RHPN2: variants seen among roughly 807,000 people sequenced by gnomAD.
The protein encoded by RHPN2 is rhophilin-2.
In RHPN2, 40 loss-of-function variants were observed where a neutral mutation model predicts 79.0. The ratio of observed to expected loss-of-function variants is 0.51; its 90% confidence interval spans 0.39 to 0.66. The LOEUF (loss-of-function observed/expected upper bound fraction) is 0.66. Ranked by LOEUF, RHPN2 falls within the 30% of genes least tolerant of loss-of-function variation. The pLI is 0.00. For missense variants in RHPN2, 686 were observed against 883.5 expected (o/e 0.78, Z 2.83); for synonymous variants, 285 against 363.5 (o/e 0.78, Z 2.46).
At chr19:33,034,322 T>C (rs1158665111) in intron 2 of RHPN2, among the ~76,000 whole-genome samples, 1 of 132,968 alleles carries the variant, frequency 7.5e-6, no homozygotes, top group South Asian at 2.5e-4. Context: ...AATACAAAAG[T>C]TGGCCGGGCG....
intron 2 of RHPN2, among the ~76,000 whole-genome samples, chr19:33,038,621 T>G (rs1011063320): frequency 7.9e-5 from 12 of 152,092 alleles, no homozygotes; most frequent in African/African-American, 2.7e-4. Flanking sequence ...CCCAAGTAGC[T>G]GGGATTACAG....
chr19:33,025,481 C>CAA (rs1265765367), intron 3 of RHPN2, among the ~76,000 whole-genome samples: 7 of 138,134 alleles, frequency 5.1e-5, no homozygotes, highest in African/African-American at 1.8e-4. Flanking sequence ...GACTCTGTGT[C>CAA]AAAAAAAAAA....
At chr19:33,010,203 G>A (rs1341229728) in intron 6 of RHPN2, among the ~76,000 whole-genome samples, 2 of 152,070 alleles carry the variant, frequency 1.3e-5, no homozygotes, top group African/African-American at 4.8e-5. Flanking sequence ...TGCATTGTTA[G>A]GAAAAGTCAT....
At chr19:32,992,053 T>C (rs1971664809) in intron 12 of RHPN2, 84 bp from the exon 13 acceptor site, 8 of 1,504,464 alleles carry the variant, frequency 5.3e-6, no homozygotes, top group East Asian at 2.3e-5. Context: ...CCTGCTGTCC[T>C]TGAAGATCTC....
At chr19:33,053,911 T>C (rs1291174194) in intron 1 of RHPN2, among the ~76,000 whole-genome samples, 1 of 152,086 alleles carries the variant, frequency 6.6e-6, no homozygotes, top group Non-Finnish European at 1.5e-5. Context: ...CAGGCTGGAC[T>C]GCAGTGGCGT....
chr19:33,026,406 C>A, intron 3 of RHPN2, 98 bp downstream of exon 3: 1 of 1,506,332 alleles, frequency 6.6e-7, no homozygotes, highest in South Asian at 1.1e-5. Flanking sequence ...CTGCCACACC[C>A]CAGTCTAGAA....
chr19:32,984,978 C>T (rs1486003911), intron 14 of RHPN2, among the ~76,000 whole-genome samples: 3 of 151,376 alleles, frequency 2.0e-5, no homozygotes, highest in East Asian at 2.0e-4. Flanking sequence ...TAGTGGTGCA[C>T]GCCTATAGTC....
intron 7 of RHPN2, among the ~76,000 whole-genome samples, chr19:33,004,600 A>T (rs1460003966): frequency 6.6e-6 from 1 of 151,764 alleles, no homozygotes; most frequent in Non-Finnish European, 1.5e-5. Flanking sequence ...TTTTAACACT[A>T]TTTATTTATT....
chr19:32,984,224 G>T (rs1354616482), intron 14 of RHPN2, among the ~76,000 whole-genome samples: 2 of 152,158 alleles, frequency 1.3e-5, no homozygotes, highest in African/African-American at 4.8e-5. Context: ...CATCAGTTCA[G>T]CCAGAGTGCT....
intron 1 of RHPN2, among the ~76,000 whole-genome samples, chr19:33,054,547 C>A (rs1972216721): frequency 6.6e-6 from 1 of 152,094 alleles, no homozygotes; most frequent in African/African-American, 2.4e-5. Flanking sequence ...TAGGGAACTC[C>A]GAGGGTCTGA....
chr19:33,064,755 T>TGGGGCG, intron 1 of RHPN2, 29 bp downstream of exon 1: 3 of 1,427,948 alleles, frequency 2.1e-6, no homozygotes, highest in Non-Finnish European at 2.8e-6. Context: ...AGCCCGCAGG[T>TGGGGCG]CCCCGCCCGC....
intron 4 of RHPN2, among the ~76,000 whole-genome samples, chr19:33,017,282 G>C (rs1395119992): frequency 6.6e-6 from 1 of 152,042 alleles, no homozygotes; most frequent in Non-Finnish European, 1.5e-5. Context: ...AATGAAGCAG[G>C]AGAACCGCTT....
chr19:33,050,682 T>C (rs545212862), intron 1 of RHPN2, among the ~76,000 whole-genome samples: 145 of 152,276 alleles, frequency 9.5e-4, no homozygotes, highest in African/African-American at 3.3e-3. Context: ...AGTTTGTTCC[T>C]TTTTTTGTTT....
At position 32,980,074 on chromosome 19, in the gene RHPN2, G is replaced by A. The variant is rs148717915; in HGVS notation, c.1983C>T (p.Val661=). The change falls in exon 15 of 15, where the codon GTC becomes GTT. Residue 661 remains valine, a synonymous_variant. Coordinates refer to ENST00000254260, the MANE Select transcript of RHPN2 (RefSeq NM_033103.5). ...TCTTGACCTGAGGCCGTGCAGCCCC[G>A]ACCGATGGGAGGCACAAGGTGCTGG... The part of the protein sequence containing the change: ...KSASTLCLPS[V]GAARPQVKKK... 1.1e-5 allele frequency: 18 copies of A among 1,613,714 alleles called. No individual in the cohort carries two copies. Among genetic ancestry groups the A allele is most frequent in the South Asian group, 5.5e-5 (5 of 91,062 alleles).
At chr19:33,009,104 A>AG (rs1350422473) in intron 6 of RHPN2, among the ~76,000 whole-genome samples, 1 of 142,952 alleles carries the variant, frequency 7.0e-6, no homozygotes, top group Non-Finnish European at 1.5e-5. Context: ...GCCAGGACTT[A>AG]GGGGGAGGGA....
Position 33,002,547 on chromosome 19 carries a change from C to G in RHPN2, c.949-144G>C, listed in dbSNP as rs113020257. The G allele has an allele frequency of 1.9e-3, 1,894 of 1,015,244 alleles. 20 individuals carry two copies. Among genetic ancestry groups the G allele is most frequent in the African/African-American group, 0.013 (790 of 62,778 alleles). 62.9% of individuals were successfully genotyped at this position (1,015,244 alleles called of 1,614,324 possible). ...GAATCTGGGAGCAACTCCAAGAGAC[C>G]CCTCGTTCTGTCATTGTCACAGTTA... On this transcript the variant is annotated intron_variant, in intron 8 of 14. Coordinates refer to ENST00000254260, the MANE Select transcript of RHPN2 (RefSeq NM_033103.5).
chr19:33,026,141 C>T (rs970096156), intron 3 of RHPN2, among the ~76,000 whole-genome samples: 3 of 151,980 alleles, frequency 2.0e-5, no homozygotes, highest in African/African-American at 4.8e-5. Flanking sequence ...GTGTGCACCA[C>T]CACGCCTGGC....
At chr19:33,042,779 T>TA (rs1338523897) in intron 2 of RHPN2, among the ~76,000 whole-genome samples, 1 of 152,068 alleles carries the variant, frequency 6.6e-6, no homozygotes, top group Non-Finnish European at 1.5e-5. Flanking sequence ...AAATAATTTT[T>TA]AAAAAATCAG....
In RHPN2 at chr19:33,000,025, C is replaced by T. The variant is rs190447710; in HGVS notation, c.1106-320G>A. ...TTAGGACTACAGACATGCACCACCA[C>T]ATGCCAGGCTAATTTTTAAATTTTT... On this transcript the variant is annotated intron_variant, in intron 9 of 14. Transcript: ENST00000254260. Among the ~76,000 whole-genome samples, 972 of 152,228 alleles carry T rather than the reference C, an allele frequency of 6.4e-3. 15 individuals carry two copies. The highest frequency in any genetic ancestry group is 6.0e-3 in the Non-Finnish European group (410 of 68,014).
Sources: gnomAD v4.1 joint callset for allele counts (sites outside exome capture counted in the v4.1 genomes callset) on GRCh38, gnomAD v4.1.1 for gene constraint, MANE v1.5 for transcripts, NCBI Gene and HGNC (gene_info 2026-07-23, HGNC 2026-07-21) for gene names.